The following TYSND1 variants were observed in gnomAD, a reference collection of about 807,000 sequenced individuals.
TYSND1 encodes the protein trypsin like peroxisomal matrix peptidase 1, also known as peroxisomal leader peptide-processing protease.
Under a neutral mutation model 37.2 loss-of-function variants are expected in TYSND1, and 30 were observed. The observed-to-expected ratio is 0.81, with a 90% CI of 0.60 to 1.09. The LOEUF is 1.09. Among genes scored for constraint, TYSND1 ranks in the 50% least tolerant of loss-of-function variants. TYSND1 has a pLI of 0.00. For missense variants in TYSND1, 806 were observed against 817.4 expected (o/e 0.99, Z 0.17); for synonymous variants, 364 against 383.8 (o/e 0.95, Z 0.60).
rs748818337 is a variant in TYSND1, at chr10:70,146,104, G to A, written c.483C>T (p.Phe161=). ...FGDEAAEQWR[F]SSAARDDEVS... is the part of the protein sequence containing the mutation. ...CTTCGTCATCCCGCGCCGCGCTCGAGAAGCGCCACTGTTCCGCTGCCTCGT... is the reference window on the plus strand; with the variant it reads ...CTTCGTCATCCCGCGCCGCGCTCGAAAAGCGCCACTGTTCCGCTGCCTCGT... The change falls in exon 1 of 4, where the codon TTC becomes TTT. Residue 161 remains phenylalanine (F), a synonymous_variant. Coordinates refer to ENST00000287078, the MANE Select transcript of TYSND1 (RefSeq NM_173555.4). 7.0e-6 allele frequency: 11 copies of A among 1,573,432 alleles called. No homozygotes were observed. Among genetic ancestry groups the A allele is most frequent in the Middle Eastern group, 3.3e-4 (2 of 6,050 alleles).
At chr10:70,140,228 C>T (rs778112881) in intron 3 of TYSND1, 87 bp from the exon 4 acceptor site, 1 of 1,143,394 alleles carries the variant, frequency 8.7e-7, no homozygotes, top group Non-Finnish European at 1.2e-6. Flanking sequence ...CACCCTGGAG[C>T]CCCCAGGGCC....
At chr10:70,141,740 A>AT (rs2072778644) in intron 3 of TYSND1, among the ~76,000 whole-genome samples, 1 of 151,922 alleles carries the variant, frequency 6.6e-6, no homozygotes, top group Non-Finnish European at 1.5e-5. Flanking sequence ...AATTAAAAAA[A>AT]ATTTTTTTAA....
In TYSND1 at chr10:70,144,338, G is replaced by T. The variant is rs2072840777; in HGVS notation, c.1167-366C>A. ...TATAACTGAGGCCCAGAGACGCTCA[G>T]TAACATTCCCAACACCAAACAAAGT... On this transcript the variant is annotated intron_variant, in intron 1 of 3. Transcript: ENST00000287078. 1.4e-5 allele frequency: 7 copies of T among 505,294 alleles called. 1 individual carries two copies. In the South Asian group the frequency reaches 4.2e-4, roughly 30 times the overall value. The allele number at this position is 505,294 out of a possible 1,614,324, so 31.3% of individuals were successfully genotyped here.
chr10:70,140,534 T>C (rs1258477520), intron 3 of TYSND1, among the ~76,000 whole-genome samples: 1 of 150,226 alleles, frequency 6.7e-6, no homozygotes, highest in Admixed American at 6.6e-5. Flanking sequence ...AATGAATGAA[T>C]GAATGAATGA....
Position 70,143,629 on chromosome 10 carries a change from T to G in TYSND1, c.1297+213A>C, listed in dbSNP as rs553372746. Among the ~76,000 whole-genome samples, 3 of 152,310 alleles carry G rather than the reference T, an allele frequency of 2.0e-5. 1 individual carries two copies. The highest frequency in any genetic ancestry group is 7.2e-5 in the African/African-American group (3 of 41,580). ...CCCCAAAGGCCCAGCATCCTCACAC[T>G]ACATTGCTGCAGGCACTCGGGGAAA... On this transcript the variant is annotated intron_variant, in intron 2 of 3. Coordinates refer to ENST00000287078, the MANE Select transcript of TYSND1 (RefSeq NM_173555.4).
Position 70,140,032 on chromosome 10 carries a change from C to A in TYSND1, c.1593G>T (p.Gln531His), listed in dbSNP as rs762635076. 1 of 1,614,210 alleles carries A rather than the reference C, an allele frequency of 6.2e-7. No individual in the cohort carries two copies. Among genetic ancestry groups the A allele is most frequent in the East Asian group, 2.2e-5 (1 of 44,892 alleles). ...VLQPALQQYS[Q>H]TQDLGGLREL... ...CACGGAGGCCACCTAGGTCTTGGGTCTGGCTGTACTGCTGCAGGGCCGGCT... is the reference window on the plus strand; with the variant it reads ...CACGGAGGCCACCTAGGTCTTGGGTATGGCTGTACTGCTGCAGGGCCGGCT... Residue 531 changes from glutamine to histidine, a missense_variant, in exon 4 of 4, where the codon CAG (glutamine) becomes CAT (histidine). Physicochemically the swap from Gln to His is conservative, Grantham distance 24. Around this residue, in one of 3 missense-constraint regions of TYSND1, gnomAD observed 708 missense variants for 705.4 expected, o/e 1.00. Coordinates refer to ENST00000287078, the MANE Select transcript of TYSND1 (RefSeq NM_173555.4).
Position 70,146,072 on chromosome 10 carries a change from T to C in TYSND1, c.515A>G (p.Glu172Gly), listed in dbSNP as rs747901858. 1 of 1,595,890 alleles carries C rather than the reference T, an allele frequency of 6.3e-7. No individual in the cohort carries two copies. Among genetic ancestry groups the C allele is most frequent in the Non-Finnish European group, 8.5e-7 (1 of 1,172,348 alleles). The part of the protein sequence containing the change: ...SSAARDDEVS[E>G]DEEADQLRAL... Reference sequence around the variant, plus strand: ...TCTCAGTTGATCCGCCTCCTCGTCCTCCGACACTTCGTCATCCCGCGCCGC... The same window carrying C: ...TCTCAGTTGATCCGCCTCCTCGTCCCCCGACACTTCGTCATCCCGCGCCGC... Residue 172 changes from glutamate to glycine, a missense_variant, in exon 1 of 4, where the codon GAG (glutamate) becomes GGG (glycine). By Grantham distance (98) the Glu-to-Gly change is moderately conservative (BLOSUM62 -2). This residue lies in a region of TYSND1 where 708 missense variants were observed against 705.4 expected (regional missense o/e 1.00). Transcript: ENST00000287078.
Position 70,145,856 on chromosome 10 carries a change from C to G in TYSND1, c.731G>C (p.Ser244Thr). 2 of 1,543,390 alleles carry G rather than the reference C, an allele frequency of 1.3e-6. No homozygotes were observed. Among genetic ancestry groups the G allele is most frequent in the East Asian group, 2.5e-5 (1 of 40,552 alleles). The change falls in exon 1 of 4, where the codon AGC (serine) becomes ACC (threonine). Residue 244 changes from serine to threonine, a missense_variant. By Grantham distance (58) the Ser-to-Thr change is moderately conservative. Coordinates refer to ENST00000287078, the MANE Select transcript of TYSND1 (RefSeq NM_173555.4). ...FLNTLSCGVL[S>T]NVAGPLLLTD... Reference sequence around the variant, plus strand: ...AAGCAGCAGTGGGCCGGCCACGTTGCTGAGCACCCCGCAGCTCAGCGTGTT... The same window carrying G: ...AAGCAGCAGTGGGCCGGCCACGTTGGTGAGCACCCCGCAGCTCAGCGTGTT...
chr10:70,144,912 C>G (rs7089403), intron 1 of TYSND1: 15,089 of 369,144 alleles, frequency 0.041, 352 homozygotes, highest in East Asian at 0.058. Flanking sequence ...CTTCTGATTA[C>G]GTAGAAACTC....
At chr10:70,145,386 A>G in intron 1 of TYSND1, 35 bp downstream of exon 1, 8 of 1,374,286 alleles carry the variant, frequency 5.8e-6, no homozygotes, top group Non-Finnish European at 7.5e-6. Flanking sequence ...TGAGACCTGG[A>G]AAGGGATGAA....
rs1385266510 is a variant in TYSND1, at chr10:70,139,992, C to T, written c.1633G>A (p.Ala545Thr). 1 of 1,614,086 alleles carries T rather than the reference C, an allele frequency of 6.2e-7. No homozygotes were observed. Among genetic ancestry groups the T allele is most frequent in the Non-Finnish European group, 8.5e-7 (1 of 1,180,038 alleles). Reference protein sequence around the residue: ...LGGLRELDRAAEPVRVVWRLQ... With the variant: ...LGGLRELDRATEPVRVVWRLQ... ...CGCCACACCACCCTGACTGGCTCAG[C>T]AGCGCGGTCCAGCTCACGGAGGCCA... The change falls in exon 4 of 4, where the codon GCT becomes ACT. Residue 545 changes from alanine (A) to threonine (T), a missense_variant. By Grantham distance (58) the Ala-to-Thr change is moderately conservative. Transcript: ENST00000287078.
intron 3 of TYSND1, among the ~76,000 whole-genome samples, chr10:70,142,384 T>C (rs2072792873): frequency 6.6e-6 from 1 of 152,158 alleles, no homozygotes; most frequent in African/African-American, 2.4e-5. Flanking sequence ...CTGTTGGCTT[T>C]TGAGTCTGTG....
intron 3 of TYSND1, 134 bp from the exon 4 acceptor site, chr10:70,140,275 G>T: frequency 1.5e-6 from 1 of 662,374 alleles, no homozygotes. Context: ...GGTGACAGAC[G>T]CTGAGCTTCT....
chr10:70,140,247 C>G, intron 3 of TYSND1, 106 bp from the exon 4 acceptor site: 1 of 872,032 alleles, frequency 1.1e-6, no homozygotes, highest in Non-Finnish European at 1.8e-6. Flanking sequence ...CCTGGTAGGG[C>G]TGGATACCAC....
Position 70,143,841 on chromosome 10 carries a change from C to T in TYSND1, c.1297+1G>A, listed in dbSNP as rs1449242813. The T allele has an allele frequency of 1.2e-6, 2 of 1,614,104 alleles. No individual in the cohort carries two copies. Among genetic ancestry groups the T allele is most frequent in the Non-Finnish European group, 1.7e-6 (2 of 1,179,962 alleles). On this transcript the variant is annotated splice_donor_variant, in intron 2 of 3. Transcript: ENST00000287078. LOFTEE classifies it high-confidence loss of function. ...TTCAGGCTGCGCCCTTCGTCCTTTACCTTCATGGAAGTGCTCAGCGGGCAC... is the reference window on the plus strand; with the variant it reads ...TTCAGGCTGCGCCCTTCGTCCTTTATCTTCATGGAAGTGCTCAGCGGGCAC...
chr10:70,146,685 C>T lies in TYSND1; in HGVS notation c.-99G>A, dbSNP rs1839247317. ...GGCTGAAGCTGCCTAGCGCCACCCACAGCTGGAAGCGAGAGGCGCAAGCTC... is the reference window on the plus strand; with the variant it reads ...GGCTGAAGCTGCCTAGCGCCACCCATAGCTGGAAGCGAGAGGCGCAAGCTC... On this transcript the variant is annotated 5_prime_UTR_variant, in exon 1 of 4. It adds an upstream start codon to the 5' untranslated region. Coordinates refer to ENST00000287078, the MANE Select transcript of TYSND1 (RefSeq NM_173555.4). 1 of 1,239,100 alleles carries T rather than the reference C, an allele frequency of 8.1e-7. No individual in the cohort carries two copies. Among genetic ancestry groups the T allele is most frequent in the Non-Finnish European group, 1.1e-6 (1 of 939,342 alleles). 76.8% of individuals were successfully genotyped at this position (1,239,100 alleles called of 1,614,324 possible). A position where few individuals can be genotyped will look rare whatever the true frequency, so the allele number is the denominator to read the frequency against.
At position 70,145,797 on chromosome 10, in the gene TYSND1, C is replaced by T. The variant is rs1250018161; in HGVS notation, c.790G>A (p.Gly264Ser). The T allele has an allele frequency of 4.7e-6, 7 of 1,495,400 alleles. No homozygotes were observed. The East Asian group carries it at 1.6e-4, about 34-fold the overall frequency. 92.6% of individuals were successfully genotyped at this position (1,495,400 alleles called of 1,614,324 possible). ...DARCLPGTEG[G>S]GVFTARPAGA... Reference sequence around the variant, plus strand: ...GCGGGCCGCGCGGTGAACACGCCGCCGCCCTCGGTGCCGGGCAGGCAGCGT... The same window carrying T: ...GCGGGCCGCGCGGTGAACACGCCGCTGCCCTCGGTGCCGGGCAGGCAGCGT... Residue 264 changes from glycine (G) to serine (S), a missense_variant, in exon 1 of 4, where the codon GGC becomes AGC. This residue lies in a region of TYSND1 where 708 missense variants were observed against 705.4 expected (regional missense o/e 1.00). Transcript: ENST00000287078.
In TYSND1 at chr10:70,139,759, T is replaced by A; in HGVS notation, c.*165A>T. ...AAGGATCCATGGGGCTGAAGAGAAG[T>A]TTGCCCCAGAGCCCAAAGCCCAGTC... On this transcript the variant is annotated 3_prime_UTR_variant, in exon 4 of 4. Coordinates refer to ENST00000287078, the MANE Select transcript of TYSND1 (RefSeq NM_173555.4). The A allele has an allele frequency of 1.5e-6, 1 of 659,628 alleles. No homozygotes were observed. Among genetic ancestry groups the A allele is most frequent in the South Asian group, 2.0e-5 (1 of 50,536 alleles). 40.9% of individuals were successfully genotyped at this position (659,628 alleles called of 1,614,324 possible). A position where few individuals can be genotyped will look rare whatever the true frequency, so the allele number is the denominator to read the frequency against.
chr10:70,144,647 T>C lies in TYSND1; in HGVS notation c.1167-675A>G, dbSNP rs950647915. The C allele has an allele frequency of 7.1e-6, 7 of 985,534 alleles. No individual in the cohort carries two copies. The African/African-American group carries it at 1.0e-4, about 15-fold the overall frequency. 61.0% of individuals were successfully genotyped at this position (985,534 alleles called of 1,614,324 possible). A position where few individuals can be genotyped will look rare whatever the true frequency, so the allele number is the denominator to read the frequency against. Reference sequence around the variant, plus strand: ...GGGTAGCTTCCAACAGACCTGGCAGTCTCCTTAGGAGCAAGGGGCATGTGG... The same window carrying C: ...GGGTAGCTTCCAACAGACCTGGCAGCCTCCTTAGGAGCAAGGGGCATGTGG... On this transcript the variant is annotated intron_variant, in intron 1 of 3. Coordinates refer to ENST00000287078, the MANE Select transcript of TYSND1 (RefSeq NM_173555.4).
Sources: allele counts gnomAD v4.1 joint callset (sites outside exome capture counted in the v4.1 genomes callset), GRCh38; gene constraint gnomAD v4.1.1; regional missense constraint gnomAD v4.1.1; transcripts MANE v1.5; gene names NCBI Gene and HGNC (gene_info 2026-07-23, HGNC 2026-07-21).